SBF1: variants seen among roughly 807,000 people sequenced by gnomAD.
SBF1 encodes SET binding factor 1.
A neutral mutation model predicts 215.8 loss-of-function variants in SBF1; 65 were observed. The observed-to-expected ratio is 0.30, with a 90% CI of 0.25 to 0.37. SBF1 has a LOEUF of 0.37. Ranked by LOEUF, SBF1 falls within the 10% of genes least tolerant of loss-of-function variation. The pLI is 1.00. For synonymous variants in SBF1, 1,410 were observed against 1,122.8 expected (o/e 1.26, Z -5.11); for missense variants, 2,634 against 2,667.8 (o/e 0.99, Z 0.28).
chr22:50,467,070 C>T (rs1458883526), intron 5 of SBF1: 2 of 583,906 alleles, frequency 3.4e-6, no homozygotes, highest in Non-Finnish European at 3.1e-6. Context: ...GGGCAGGGAG[C>T]AGACAAACAA....
At position 50,460,058 on chromosome 22, in the gene SBF1, C is replaced by T. The variant is rs2067436267; in HGVS notation, c.3385G>A (p.Asp1129Asn). The change falls in exon 26 of 41, where the codon GAC (aspartate) becomes AAC (asparagine). Residue 1129 changes from aspartate to asparagine, a missense_variant. Physicochemically the swap from Asp to Asn is conservative, Grantham distance 23 (BLOSUM62 1). Coordinates refer to ENST00000380817, the MANE Select transcript of SBF1 (RefSeq NM_002972.4). The stretch of plus-strand genomic sequence containing the variant: ...GTGCCCAGACCGAGGCGCTGGTAGT[C>T]GCGACAGCAAGCCCTTTCCACCAGG... Reference protein sequence around the residue: ...SSLVERACCRDYQRLGLGTLS... With the variant: ...SSLVERACCRNYQRLGLGTLS... 1 of 1,613,978 alleles carries T rather than the reference C, an allele frequency of 6.2e-7. No homozygotes were observed. The highest frequency in any genetic ancestry group is 1.1e-5 in the South Asian group (1 of 91,086).
chr22:50,462,180 G>A (rs747985173), intron 19 of SBF1, 25 bp downstream of exon 19: 2 of 1,606,826 alleles, frequency 1.2e-6, no homozygotes, highest in Admixed American at 1.7e-5. Flanking sequence ...CCTCCACTGG[G>A]CCCAACCCCC....
chr22:50,464,522 C>G lies in SBF1; in HGVS notation c.1636+12G>C. The G allele has an allele frequency of 6.2e-7, 1 of 1,604,856 alleles. No homozygotes were observed. The highest frequency in any genetic ancestry group is 8.5e-7 in the Non-Finnish European group (1 of 1,174,112). On this transcript the variant is annotated intron_variant, in intron 14 of 40. Coordinates refer to ENST00000380817, the MANE Select transcript of SBF1 (RefSeq NM_002972.4). ...ACGCTCGGGGCCTGCCTTCCCCTCC[C>G]TCATTACGCACTCATGGGGGGCCCT... is the stretch of plus-strand genomic sequence containing the variant.
intron 2 of SBF1, among the ~76,000 whole-genome samples, chr22:50,468,151 C>T (rs1403618975): frequency 6.6e-6 from 1 of 152,184 alleles, no homozygotes; most frequent in East Asian, 1.9e-4. Context: ...GATGGGAGAA[C>T]AGTCCCCACC....
Position 50,460,659 on chromosome 22 carries a change from G to A in SBF1, c.3021C>T (p.Phe1007=). ...EEVGSDSAEL[F]RKQLHKLRYP... ...ACCGCAGCTTATGCAGCTGCTTACG[G>A]AAGAGCTCGGCGCTGTCAGACCCCA... The change falls in exon 24 of 41, where the codon TTC becomes TTT. Residue 1007 remains phenylalanine, a synonymous_variant. Coordinates refer to ENST00000380817, the MANE Select transcript of SBF1 (RefSeq NM_002972.4). 1 of 1,614,008 alleles carries A rather than the reference G, an allele frequency of 6.2e-7. No individual in the cohort carries two copies. Among genetic ancestry groups the A allele is most frequent in the Non-Finnish European group, 8.5e-7 (1 of 1,180,034 alleles).
Position 50,462,656 on chromosome 22 carries a change from C to T in SBF1, c.2030G>A (p.Ser677Asn). 6.2e-7 allele frequency: 1 copy of T among 1,612,692 alleles called. No homozygotes were observed. ...YSCVQEHVVWSTPQFWEAMFY... is the reference protein window; with the variant it reads ...YSCVQEHVVWNTPQFWEAMFY... ...CATGGCCTCCCAGAACTGTGGCGTG[C>T]TCCACACCACGTGCTCCTGCACACA... Residue 677 changes from serine (S) to asparagine (N), a missense_variant, in exon 18 of 41, where the codon AGC (serine) becomes AAC (asparagine). Transcript: ENST00000380817.
At chr22:50,474,266 A>T (rs1392352951) in intron 1 of SBF1, among the ~76,000 whole-genome samples, 1 of 152,182 alleles carries the variant, frequency 6.6e-6, no homozygotes, top group Non-Finnish European at 1.5e-5. Context: ...TTCTCCATGC[A>T]CCAAACCCGA....
chr22:50,463,556 G>A (rs2067612888), intron 15 of SBF1, 124 bp from the exon 16 acceptor site: 1 of 1,106,652 alleles, frequency 9.0e-7, no homozygotes, highest in Admixed American at 2.9e-5. Flanking sequence ...GCCAGACTCT[G>A]GGGCTTTGCC....
chr22:50,462,372 C>T lies in SBF1; in HGVS notation c.2229G>A (p.Gln743=). ...TGCTCTCCTCCTTCTGCACCAGCTC[C>T]TGCTGCTTCTCACGACTCAGAGTTG... ...LWPTLSREKQ[Q]ELVQKEESTV... Residue 743 remains glutamine, a synonymous_variant, in exon 19 of 41, where the codon CAG becomes CAA. Coordinates refer to ENST00000380817, the MANE Select transcript of SBF1 (RefSeq NM_002972.4). 1.2e-6 allele frequency: 2 copies of T among 1,614,164 alleles called. No homozygotes were observed. The highest frequency in any genetic ancestry group is 1.1e-5 in the South Asian group (1 of 91,090).
intron 36 of SBF1, among the ~76,000 whole-genome samples, chr22:50,450,348 C>G (rs1009317028): frequency 3.9e-5 from 6 of 152,074 alleles, no homozygotes; most frequent in African/African-American, 1.4e-4. Flanking sequence ...TGGCAAAACC[C>G]TGTCTCTACT....
chr22:50,459,695 C>T (rs1355030977), intron 26 of SBF1, 29 bp from the exon 27 acceptor site: 1 of 1,567,344 alleles, frequency 6.4e-7, no homozygotes, highest in East Asian at 2.3e-5. Context: ...GTGAAGGTGG[C>T]TGGCGACCCC....
Position 50,461,255 on chromosome 22 carries a change from C to A in SBF1, c.2871G>T (p.Pro957=). Residue 957 remains proline (P), a synonymous_variant, in exon 23 of 41, where the codon CCG becomes CCT. Transcript: ENST00000380817. ...GCTTCTCCTTGGTCAGCGCAGCCAC[C>A]GGGAAGGAGCGGACCACCACCTGCT... is the stretch of plus-strand genomic sequence containing the variant. ...VGEQVVVRSF[P]VAALTKEKRI... The A allele has an allele frequency of 1.2e-6, 2 of 1,612,036 alleles. No individual in the cohort carries two copies. Among genetic ancestry groups the A allele is most frequent in the Non-Finnish European group, 8.5e-7 (1 of 1,178,830 alleles).
chr22:50,470,624 C>A (rs1046236762), intron 1 of SBF1, among the ~76,000 whole-genome samples: 14 of 152,130 alleles, frequency 9.2e-5, no homozygotes, highest in African/African-American at 3.4e-4. Flanking sequence ...CTGGGGCCTA[C>A]AGGGACCCTA....
intron 25 of SBF1, 46 bp downstream of exon 25, chr22:50,460,226 T>G: frequency 6.2e-7 from 1 of 1,601,458 alleles, no homozygotes; most frequent in Non-Finnish European, 8.5e-7. Flanking sequence ...CCCTGGCCAA[T>G]GTCAGCATCC....
At chr22:50,460,246 C>G (rs773534763) in intron 25 of SBF1, 26 bp downstream of exon 25, 7 of 1,601,488 alleles carry the variant, frequency 4.4e-6, no homozygotes, top group Non-Finnish European at 6.0e-6. Flanking sequence ...CAGAGACCAC[C>G]CAGGACTCCA....
At chr22:50,455,686 C>T (rs1306628807) in intron 31 of SBF1, 104 bp from the exon 32 acceptor site, 2 of 927,264 alleles carry the variant, frequency 2.2e-6, no homozygotes, top group Non-Finnish European at 3.4e-6. Context: ...GGGAGGCAGG[C>T]CCTGTCCACA....
intron 36 of SBF1, among the ~76,000 whole-genome samples, chr22:50,452,438 G>A: frequency 6.6e-6 from 1 of 151,948 alleles, no homozygotes; most frequent in East Asian, 1.9e-4. Flanking sequence ...CAAAAACAGG[G>A]CCGGGCACGG....
In SBF1 at chr22:50,461,658, C is replaced by T. The variant is rs1008421888; in HGVS notation, c.2704G>A (p.Val902Ile). 1.4e-5 allele frequency: 22 copies of T among 1,610,688 alleles called. No homozygotes were observed. The highest frequency in any genetic ancestry group is 2.7e-5 in the African/African-American group (2 of 74,934). ...TCACGCCCATCCGGCAGCAGGTAGA[C>T]GCGCAGGCCGTCCAGCACACACTCC... ...GEECVLDGLR[V>I]YLLPDGREEG... Residue 902 changes from valine (V) to isoleucine (I), a missense_variant, in exon 22 of 41, where the codon GTC becomes ATC. By Grantham distance (29) the Val-to-Ile change is conservative. Coordinates refer to ENST00000380817, the MANE Select transcript of SBF1 (RefSeq NM_002972.4).
At chr22:50,463,534 C>T (rs1227095085) in intron 15 of SBF1, 102 bp from the exon 16 acceptor site, 9 of 1,306,710 alleles carry the variant, frequency 6.9e-6, no homozygotes, top group Non-Finnish European at 8.2e-6. Context: ...AAATGCCTTT[C>T]AGGTGGGGTG....
Sources: allele counts gnomAD v4.1 joint callset (sites outside exome capture counted in the v4.1 genomes callset), GRCh38; gene constraint gnomAD v4.1.1; transcripts MANE v1.5; gene names NCBI Gene and HGNC (gene_info 2026-07-23, HGNC 2026-07-21).